The following BFSP2 variants were observed in gnomAD, a reference collection of about 807,000 sequenced individuals.
BFSP2 encodes beaded filament structural protein 2.
BFSP2 carries 38 observed loss-of-function variants against 44.9 expected under a neutral mutation model. That is an observed-to-expected ratio of 0.85 (90% confidence interval 0.65 to 1.11). BFSP2 has a LOEUF of 1.11. BFSP2 is among the 50% of genes least tolerant of loss of function. The pLI is 0.00. For missense variants in BFSP2, 525 were observed against 533.0 expected, an observed-to-expected ratio of 0.99 and a Z score of 0.15; for synonymous variants, 197 against 209.9, an observed-to-expected ratio of 0.94 and a Z score of 0.53.
At chr3:133,406,117 T>C (rs927068377) in intron 1 of BFSP2, among the ~76,000 whole-genome samples, 1 of 34,800 alleles carries the variant, frequency 2.9e-5, no homozygotes, top group African/African-American at 6.2e-5. Context: ...TATCCAGCTA[T>C]TTTTTTTTTT....
intron 4 of BFSP2, among the ~76,000 whole-genome samples, chr3:133,464,621 A>T (rs920280788): frequency 4.0e-5 from 6 of 149,864 alleles, no homozygotes; most frequent in Non-Finnish European, 8.9e-5. Context: ...AACAAAAGTT[A>T]TTTGTTGGCC....
intron 1 of BFSP2, among the ~76,000 whole-genome samples, chr3:133,413,816 A>G (rs2073478682): frequency 6.6e-6 from 1 of 151,998 alleles, no homozygotes; most frequent in African/African-American, 2.4e-5. Context: ...TGTCCTTTTT[A>G]GTTACATGTT....
intron 1 of BFSP2, among the ~76,000 whole-genome samples, chr3:133,401,023 T>C (rs561155765): frequency 6.6e-6 from 1 of 152,320 alleles, no homozygotes; most frequent in Non-Finnish European, 1.5e-5. Flanking sequence ...CAAATACCAT[T>C]GGATGGATGA....
intron 1 of BFSP2, among the ~76,000 whole-genome samples, chr3:133,424,202 C>G (rs1453374280): frequency 8.2e-6 from 1 of 121,722 alleles, no homozygotes; most frequent in Non-Finnish European, 1.7e-5. Flanking sequence ...CCTACCACCG[C>G]GTCCAGCTAA....
intron 5 of BFSP2, 124 bp from the exon 6 acceptor site, chr3:133,472,221 A>C (rs981595717): frequency 2.1e-5 from 23 of 1,096,766 alleles, no homozygotes; most frequent in Non-Finnish European, 2.9e-5. Context: ...CATAACTGGC[A>C]AGGTCCCTGC....
chr3:133,415,115 G>C (rs2073505258), intron 1 of BFSP2, among the ~76,000 whole-genome samples: 1 of 62,182 alleles, frequency 1.6e-5, no homozygotes, highest in Non-Finnish European at 3.0e-5. Flanking sequence ...TGCCTCCTCT[G>C]TTCTACTTAC....
intron 1 of BFSP2, among the ~76,000 whole-genome samples, chr3:133,420,010 G>C (rs578016045): frequency 4.2e-4 from 64 of 152,342 alleles, no homozygotes; most frequent in African/African-American, 1.5e-3. Flanking sequence ...CGACAGGGGC[G>C]ATCACCTCTC....
At chr3:133,414,797 G>T (rs1245699012) in intron 1 of BFSP2, among the ~76,000 whole-genome samples, 8 of 3,598 alleles carry the variant, frequency 2.2e-3, no homozygotes, top group Non-Finnish European at 2.8e-3. Flanking sequence ...CCCCCCCCCC[G>T]CTTACCCCTC....
chr3:133,434,416 G>A (rs919889895), intron 1 of BFSP2, among the ~76,000 whole-genome samples: 31 of 151,950 alleles, frequency 2.0e-4, no homozygotes, highest in African/African-American at 6.3e-4. Flanking sequence ...AATCCCGCTC[G>A]AAGCAGCCCT....
chr3:133,456,238 C>A (rs922978609), intron 4 of BFSP2, among the ~76,000 whole-genome samples: 14 of 152,168 alleles, frequency 9.2e-5, no homozygotes, highest in Admixed American at 8.5e-4. Flanking sequence ...AACCATCATG[C>A]CTTCATGTCA....
chr3:133,466,151 T>G (rs1184870085), intron 4 of BFSP2, among the ~76,000 whole-genome samples: 1 of 140,064 alleles, frequency 7.1e-6, no homozygotes, highest in Non-Finnish European at 1.6e-5. Flanking sequence ...TCTAAGATAC[T>G]TTAAGTACCA....
At chr3:133,471,791 A>G (rs1391727266) in intron 5 of BFSP2, among the ~76,000 whole-genome samples, 2 of 152,162 alleles carry the variant, frequency 1.3e-5, no homozygotes, top group Non-Finnish European at 2.9e-5. Context: ...TAAAACACCA[A>G]AGGGGAAAGC....
chr3:133,460,276 A>T (rs2074050392), intron 4 of BFSP2, among the ~76,000 whole-genome samples: 1 of 152,212 alleles, frequency 6.6e-6, no homozygotes. Flanking sequence ...CTGAAGCACA[A>T]AGAGGTTAGG....
chr3:133,442,385 G>A (rs573646964), intron 1 of BFSP2, among the ~76,000 whole-genome samples: 122 of 151,900 alleles, frequency 8.0e-4, no homozygotes, highest in African/African-American at 2.7e-3. Flanking sequence ...AAACTTCTAG[G>A]CTCAAGCAAT....
At chr3:133,440,384 T>C (rs558153070) in intron 1 of BFSP2, among the ~76,000 whole-genome samples, 1 of 152,292 alleles carries the variant, frequency 6.6e-6, no homozygotes, top group East Asian at 1.9e-4. Flanking sequence ...AATCACTGTA[T>C]CTGGATGTGC....
chr3:133,456,415 C>A (rs1467145095), intron 4 of BFSP2, among the ~76,000 whole-genome samples: 2 of 152,168 alleles, frequency 1.3e-5, no homozygotes, highest in Non-Finnish European at 2.9e-5. Flanking sequence ...TGGGCATATT[C>A]TATAATCCAT....
chr3:133,450,236 C>A, intron 3 of BFSP2, 67 bp from the exon 4 acceptor site: 2 of 1,566,776 alleles, frequency 1.3e-6, no homozygotes, highest in Non-Finnish European at 1.8e-6. Flanking sequence ...TGGTTTTCTG[C>A]TGGCTAGAAT....
At chr3:133,467,911 C>A (rs1259662164) in intron 5 of BFSP2, among the ~76,000 whole-genome samples, 2 of 152,104 alleles carry the variant, frequency 1.3e-5, no homozygotes, top group Non-Finnish European at 2.9e-5. Flanking sequence ...GGAGGAAAAT[C>A]AAGAGTAATA....
chr3:133,447,611 T>G (rs2073915662), intron 2 of BFSP2, among the ~76,000 whole-genome samples: 1 of 152,120 alleles, frequency 6.6e-6, no homozygotes, highest in South Asian at 2.1e-4. Context: ...TCAGTTGGTT[T>G]AGAGCAGGGT....
Sources: gnomAD v4.1 joint callset for allele counts (sites outside exome capture counted in the v4.1 genomes callset) on GRCh38, gnomAD v4.1.1 for gene constraint, MANE v1.5 for transcripts, NCBI Gene and HGNC (gene_info 2026-07-23, HGNC 2026-07-21) for gene names.